TRPM6: variants seen among roughly 807,000 people sequenced by gnomAD.
TRPM6 encodes transient receptor potential cation channel subfamily M member 6.
In TRPM6, 111 loss-of-function variants were observed where a neutral mutation model predicts 247.6. The ratio of observed to expected loss-of-function variants is 0.45; its 90% CI spans 0.38 to 0.52. The LOEUF is 0.52. Ranked by LOEUF, TRPM6 falls within the 20% of genes least tolerant of loss-of-function variation. TRPM6 has a pLI of 0.00. For missense variants in TRPM6, 2,126 were observed against 2,421.5 expected, an observed-to-expected ratio of 0.88 and a Z score of 2.56; for synonymous variants, 892 against 853.8, an observed-to-expected ratio of 1.04 and a Z score of -0.78.
rs568180511 is a variant in TRPM6, at chr9:74,839,955, G to C, written c.544+69C>G. On this transcript the variant is annotated intron_variant, in intron 5 of 38. Coordinates refer to ENST00000360774, the MANE Select transcript of TRPM6 (RefSeq NM_017662.5). Reference sequence around the variant, plus strand: ...AAGAAAGAGAAAGGAAAAAAGAAAAGAGGGAGAGAGGGAGGGAGAGAGGGA... The same window carrying C: ...AAGAAAGAGAAAGGAAAAAAGAAAACAGGGAGAGAGGGAGGGAGAGAGGGA... 1.9e-5 allele frequency: 21 copies of C among 1,118,084 alleles called. No homozygotes were observed. In the East Asian group the frequency reaches 6.0e-4, roughly 32 times the overall value. 69.3% of individuals were successfully genotyped at this position (1,118,084 alleles called of 1,614,324 possible).
At chr9:74,815,468 A>T (rs533976010) in intron 11 of TRPM6, among the ~76,000 whole-genome samples, 1 of 152,304 alleles carries the variant, frequency 6.6e-6, no homozygotes, top group Non-Finnish European at 1.5e-5. Flanking sequence ...TTATTGACAC[A>T]TGTATACCAT....
At chr9:74,742,458 A>G in intron 33 of TRPM6, 103 bp downstream of exon 33, 11 of 1,174,562 alleles carry the variant, frequency 9.4e-6, no homozygotes, top group Non-Finnish European at 1.4e-5. Flanking sequence ...TATCAACAAA[A>G]CAAAATTTTC....
chr9:74,752,644 C>T (rs1043310858), intron 28 of TRPM6, among the ~76,000 whole-genome samples: 2 of 152,228 alleles, frequency 1.3e-5, no homozygotes, highest in Non-Finnish European at 2.9e-5. Context: ...GATCCATAAA[C>T]TGTCCTCTTA....
intron 27 of TRPM6, 28 bp downstream of exon 27, chr9:74,761,668 C>G (rs202161375): frequency 1.9e-5 from 28 of 1,459,032 alleles, no homozygotes; most frequent in Non-Finnish European, 4.8e-6. Context: ...TGCTCAAAAC[C>G]TAAAAGACAG....
At chr9:74,826,451 T>G (rs1189819848) in intron 7 of TRPM6, among the ~76,000 whole-genome samples, 1 of 152,154 alleles carries the variant, frequency 6.6e-6, no homozygotes, top group Non-Finnish European at 1.5e-5. Context: ...TGGCCCTTTG[T>G]CCCAAGGAAG....
Position 74,744,154 on chromosome 9 carries a change from A to G in TRPM6, c.5084-9T>C. 1 of 1,613,806 alleles carries G rather than the reference A, an allele frequency of 6.2e-7. No individual in the cohort carries two copies. The highest frequency in any genetic ancestry group is 8.5e-7 in the Non-Finnish European group (1 of 1,179,724). On this transcript the variant is annotated splice_polypyrimidine_tract_variant and intron_variant, in intron 31 of 38. Transcript: ENST00000360774. ...TAAGGAGGCTGAGATCTCTGAAATT[A>G]GAGAGGAGATTGGCATTTTAATTAC...
chr9:74,756,681 C>CAAAAAA (rs1217543421), intron 27 of TRPM6, among the ~76,000 whole-genome samples: 1,413 of 51,672 alleles, frequency 0.027, 93 homozygotes, highest in African/African-American at 0.074. Flanking sequence ...CCCGTCTCTA[C>CAAAAAA]AAAAAAAAAA....
intron 6 of TRPM6, among the ~76,000 whole-genome samples, chr9:74,830,182 T>G (rs1053565105): frequency 6.6e-6 from 1 of 152,016 alleles, no homozygotes; most frequent in African/African-American, 2.4e-5. Context: ...CTAAAATCCC[T>G]GCTTGAAAAT....
At chr9:74,804,422 A>G in intron 14 of TRPM6, 1 of 529,724 alleles carries the variant, frequency 1.9e-6, no homozygotes, top group Non-Finnish European at 3.4e-6. Context: ...AGATACAAAA[A>G]CAAAAAGAAG....
intron 1 of TRPM6, chr9:74,875,315 G>C: frequency 2.2e-6 from 1 of 452,152 alleles, no homozygotes; most frequent in Admixed American, 2.4e-5. Flanking sequence ...GACCGAGGTG[G>C]GTGGATCACC....
chr9:74,863,100 G>A (rs1043808971), intron 1 of TRPM6, among the ~76,000 whole-genome samples: 26 of 150,920 alleles, frequency 1.7e-4, no homozygotes, highest in Admixed American at 1.6e-3. Flanking sequence ...AGACTGGAGT[G>A]CAATGGCACG....
chr9:74,868,137 G>A (rs1411403627), intron 1 of TRPM6, among the ~76,000 whole-genome samples: 3 of 146,730 alleles, frequency 2.0e-5, no homozygotes, highest in Non-Finnish European at 4.5e-5. Context: ...CTGACAGAGC[G>A]AGACTCCGCA....
At chr9:74,759,318 GA>G (rs56902276) in intron 27 of TRPM6, among the ~76,000 whole-genome samples, 150,543 of 152,134 alleles carry the variant, frequency 0.99, 74,499 homozygotes, top group East Asian at 1. Context: ...GAAAAAGAAA[GA>G]AAAATTGACC....
Position 74,744,125 on chromosome 9 carries a change from T to A in TRPM6, c.5104A>T (p.Ser1702Cys). 1 of 1,614,052 alleles carries A rather than the reference T, an allele frequency of 6.2e-7. No individual in the cohort carries two copies. The highest frequency in any genetic ancestry group is 8.5e-7 in the Non-Finnish European group (1 of 1,179,954). ...GVDKISASLK[S>C]PQEPHHHYSA... ...TAATGATGGTGAGGCTCTTGAGGGC[T>A]TTTTAAGGAGGCTGAGATCTCTGAA... Residue 1702 changes from serine to cysteine, a missense_variant, in exon 32 of 39, where the codon AGC (serine) becomes TGC (cysteine). Ser to Cys is a moderately radical substitution (Grantham distance 112). Around this residue, in one of 3 missense-constraint regions of TRPM6, gnomAD observed 327 missense variants for 397.7 expected, o/e 0.82. Coordinates refer to ENST00000360774, the MANE Select transcript of TRPM6 (RefSeq NM_017662.5).
chr9:74,762,137 A>G lies in TRPM6; in HGVS notation c.4534T>C (p.Cys1512Arg), dbSNP rs536138835. ...TGAAGCCATGGTCCCACCTCTGAGC[A>G]TTCACTACTCTGGGCCGATCTTGTT... Reference protein sequence around the residue: ...NSTRSAQSSECSEVGPWLQPN... With the variant: ...NSTRSAQSSERSEVGPWLQPN... The change falls in exon 26 of 39, where the codon TGC (cysteine) becomes CGC (arginine). Residue 1512 changes from cysteine (C) to arginine (R), a missense_variant. By Grantham distance (180) the Cys-to-Arg change is radical. Transcript: ENST00000360774. The G allele has an allele frequency of 8.7e-6, 14 of 1,614,204 alleles. No homozygotes were observed. The African/African-American group carries it at 1.9e-4, about 22-fold the overall frequency.
intron 14 of TRPM6, among the ~76,000 whole-genome samples, chr9:74,806,767 T>C (rs562026348): frequency 4.6e-5 from 7 of 152,318 alleles, no homozygotes; most frequent in East Asian, 1.9e-4. Context: ...AAGAGCAAAA[T>C]TGGAGGCAGT....
intron 1 of TRPM6, among the ~76,000 whole-genome samples, chr9:74,873,709 G>A (rs1021275846): frequency 6.6e-6 from 1 of 151,834 alleles, no homozygotes; most frequent in Non-Finnish European, 1.5e-5. Context: ...ATCTTTGAGG[G>A]ACTCATCTTA....
chr9:74,880,626 C>T (rs2118525053), intron 1 of TRPM6, among the ~76,000 whole-genome samples: 1 of 152,156 alleles, frequency 6.6e-6, no homozygotes, highest in Admixed American at 6.5e-5. Context: ...TGAAGTCTTT[C>T]CCAGATAAGC....
intron 11 of TRPM6, among the ~76,000 whole-genome samples, chr9:74,815,638 G>A (rs934218965): frequency 1.3e-5 from 2 of 152,142 alleles, no homozygotes; most frequent in Non-Finnish European, 2.9e-5. Context: ...GCAGCCGTGA[G>A]GCCCACAAGA....
Sources: allele counts gnomAD v4.1 joint callset (sites outside exome capture counted in the v4.1 genomes callset), GRCh38; gene constraint gnomAD v4.1.1; regional missense constraint gnomAD v4.1.1; transcripts MANE v1.5; gene names NCBI Gene and HGNC (gene_info 2026-07-23, HGNC 2026-07-21).